The following BLNK variants were observed in gnomAD, a reference collection of about 807,000 sequenced individuals.
The protein encoded by BLNK is B-cell linker protein.
In BLNK, 29 loss-of-function variants were observed where a neutral mutation model predicts 73.5. The ratio of observed to expected loss-of-function variants is 0.39; its 90% CI spans 0.29 to 0.54. The LOEUF is 0.54. Ranked by LOEUF, BLNK falls within the 20% of genes least tolerant of loss-of-function variation. The pLI is 0.61. For missense variants in BLNK, 460 were observed against 562.8 expected, an observed-to-expected ratio of 0.82 and a Z score of 1.85; for synonymous variants, 176 against 200.8, an observed-to-expected ratio of 0.88 and a Z score of 1.04.
chr10:96,225,217 T>A (rs140044951), intron 5 of BLNK, among the ~76,000 whole-genome samples: 5 of 152,316 alleles, frequency 3.3e-5, no homozygotes, highest in Non-Finnish European at 5.9e-5. Context: ...AGGAAAATCT[T>A]GGCATAGGAA....
At position 96,207,844 on chromosome 10, in the gene BLNK, A is replaced by G. The variant is rs201150310; in HGVS notation, c.774+28T>C. 43 of 1,612,914 alleles carry G rather than the reference A, an allele frequency of 2.7e-5. No individual in the cohort carries two copies. The Middle Eastern group carries it at 4.9e-4, about 19-fold the overall frequency. On this transcript the variant is annotated intron_variant, in intron 10 of 16. Coordinates refer to ENST00000224337, the MANE Select transcript of BLNK (RefSeq NM_013314.4). ...AGAATAAACACTGCAGGAAATATGA[A>G]GCACTTTTAAATGCAAAATTAACTT...
chr10:96,195,125 C>T lies in BLNK; in HGVS notation c.1251+1783G>A, dbSNP rs587710517. Among the ~76,000 whole-genome samples, 21 of 152,214 alleles carry T rather than the reference C, an allele frequency of 1.4e-4. No homozygotes were observed. In the East Asian group the frequency reaches 3.3e-3, roughly 24 times the overall value. Reference sequence around the variant, plus strand: ...GTCTATCACCTTACACCCATTTGGACGGCTACTATAAAACAACAACACAAT... The same window carrying T: ...GTCTATCACCTTACACCCATTTGGATGGCTACTATAAAACAACAACACAAT... On this transcript the variant is annotated intron_variant, in intron 16 of 16. Coordinates refer to ENST00000224337, the MANE Select transcript of BLNK (RefSeq NM_013314.4).
intron 6 of BLNK, among the ~76,000 whole-genome samples, chr10:96,221,843 T>C (rs587723898): frequency 6.6e-6 from 1 of 152,172 alleles, no homozygotes; most frequent in East Asian, 1.9e-4. Context: ...GATGGGTAGG[T>C]AATAGTAAGA....
Position 96,216,869 on chromosome 10 carries a change from A to T in BLNK, c.526-135T>A, listed in dbSNP as rs182047780. ...TAAAATTCTACTATGTAAATTGTAC[A>T]ATTTGGTGACTTTTAGTATATTCAC... is the stretch of plus-strand genomic sequence containing the variant. On this transcript the variant is annotated intron_variant, in intron 6 of 16. Coordinates refer to ENST00000224337, the MANE Select transcript of BLNK (RefSeq NM_013314.4). 576 of 784,570 alleles carry T rather than the reference A, an allele frequency of 7.3e-4. 2 individuals are homozygous for T. The highest frequency in any genetic ancestry group is 1.1e-3 in the Non-Finnish European group (507 of 460,542). 48.6% of individuals were successfully genotyped at this position (784,570 alleles called of 1,614,324 possible).
In BLNK at chr10:96,223,879, C is replaced by A. The variant is rs148612299; in HGVS notation, c.472G>T (p.Ala158Ser). The A allele has an allele frequency of 5.1e-3, 8,292 of 1,613,884 alleles. 54 individuals are homozygous for A. The highest frequency in any genetic ancestry group is 0.018 in the Middle Eastern group (106 of 5,874). ...GGTGGGACTTGAGGTTTCTGCAAAGCAGTCAGGGCCGGCAGGGTGGAGGTG... is the reference window on the plus strand; with the variant it reads ...GGTGGGACTTGAGGTTTCTGCAAAGAAGTCAGGGCCGGCAGGGTGGAGGTG... ...RLTSTLPALT[A>S]LQKPQVPPKP... Residue 158 changes from alanine to serine, a missense_variant, in exon 6 of 17, where the codon GCT becomes TCT. Coordinates refer to ENST00000224337, the MANE Select transcript of BLNK (RefSeq NM_013314.4).
At chr10:96,240,917 T>C (rs587770787) in intron 3 of BLNK, among the ~76,000 whole-genome samples, 31 of 152,374 alleles carry the variant, frequency 2.0e-4, no homozygotes, top group Middle Eastern at 6.8e-3. Flanking sequence ...AGAATGTGTT[T>C]GTTCTCATAT....
intron 8 of BLNK, chr10:96,210,202 C>T: frequency 2.3e-6 from 1 of 426,006 alleles, no homozygotes. Context: ...GGGGCAAGTC[C>T]TGAGCCCACT....
intron 4 of BLNK, among the ~76,000 whole-genome samples, chr10:96,229,654 CTGTG>C (rs10625497): frequency 8.3e-4 from 118 of 142,664 alleles, no homozygotes; most frequent in African/African-American, 2.1e-3. Flanking sequence ...TTACATGTGG[CTGTG>C]TGTGTGTGTG....
At chr10:96,267,108 C>T (rs1408028509) in intron 1 of BLNK, among the ~76,000 whole-genome samples, 1 of 152,126 alleles carries the variant, frequency 6.6e-6, no homozygotes, top group East Asian at 1.9e-4. Flanking sequence ...TCCTGAGAGT[C>T]CTGAGATAAA....
chr10:96,263,082 G>A (rs4919001), intron 1 of BLNK, among the ~76,000 whole-genome samples: 108,720 of 152,152 alleles, frequency 0.71, 43,349 homozygotes, highest in Non-Finnish European at 0.9. Flanking sequence ...TGTAGAAGCA[G>A]GCAAGGCCCG....
intron 16 of BLNK, among the ~76,000 whole-genome samples, chr10:96,196,245 A>C (rs1461078738): frequency 2.0e-5 from 3 of 152,190 alleles, no homozygotes; most frequent in Non-Finnish European, 4.4e-5. Flanking sequence ...CGTAATTCAA[A>C]ACCAGAATAA....
At chr10:96,257,337 C>T (rs1843561860) in intron 1 of BLNK, among the ~76,000 whole-genome samples, 1 of 152,168 alleles carries the variant, frequency 6.6e-6, no homozygotes, top group Non-Finnish European at 1.5e-5. Flanking sequence ...GGATCTCGGC[C>T]TGGGACAGTG....
chr10:96,208,751 C>CACCT (rs1287473493), intron 9 of BLNK, among the ~76,000 whole-genome samples: 1 of 152,156 alleles, frequency 6.6e-6, no homozygotes, highest in Non-Finnish European at 1.5e-5. Context: ...AATTCCTGAG[C>CACCT]ACCTGTAAGA....
intron 13 of BLNK, chr10:96,203,600 C>G (rs1488241706): frequency 6.5e-6 from 1 of 152,782 alleles, no homozygotes; most frequent in Non-Finnish European, 1.5e-5. Context: ...GAAAAATTAT[C>G]CAGATATTTG....
chr10:96,199,409 T>C (rs782355594), intron 15 of BLNK: 14 of 378,710 alleles, frequency 3.7e-5, no homozygotes, highest in Non-Finnish European at 7.0e-5. Context: ...ATCCTGCACA[T>C]TGATCCAAAA....
chr10:96,242,992 T>C (rs782656301), intron 2 of BLNK, among the ~76,000 whole-genome samples: 29 of 152,186 alleles, frequency 1.9e-4, no homozygotes, highest in Non-Finnish European at 3.5e-4. Context: ...CCCCAGTGCA[T>C]GCACAATGTG....
chr10:96,230,228 C>T (rs1438945127), intron 4 of BLNK, among the ~76,000 whole-genome samples: 1 of 152,124 alleles, frequency 6.6e-6, no homozygotes, highest in African/African-American at 2.4e-5. Flanking sequence ...TCTGTGGCTC[C>T]GGAGCTCTGC....
At chr10:96,254,039 T>A (rs12761446) in intron 1 of BLNK, among the ~76,000 whole-genome samples, 108 of 146,940 alleles carry the variant, frequency 7.3e-4, no homozygotes, top group African/African-American at 2.2e-3. Flanking sequence ...TAAAAAAAAT[T>A]AAAAAAATAA....
At chr10:96,197,437 TG>T (rs1430011761) in intron 15 of BLNK, among the ~76,000 whole-genome samples, 2 of 152,146 alleles carry the variant, frequency 1.3e-5, no homozygotes, top group Non-Finnish European at 2.9e-5. Context: ...CCTGAGTACC[TG>T]GGACTACTGG....
Sources: allele counts gnomAD v4.1 joint callset (sites outside exome capture counted in the v4.1 genomes callset), GRCh38; gene constraint gnomAD v4.1.1; transcripts MANE v1.5; gene names NCBI Gene and HGNC (gene_info 2026-07-23, HGNC 2026-07-21).